CACNB2: variants seen among roughly 807,000 people sequenced by gnomAD.
The protein encoded by CACNB2 is voltage-dependent L-type calcium channel subunit beta-2.
Under a neutral mutation model 73.3 loss-of-function variants are expected in CACNB2, and 42 were observed. The ratio of observed to expected loss-of-function variants is 0.57; its 90% CI spans 0.45 to 0.74. The LOEUF is 0.74. CACNB2 is among the 30% of genes least tolerant of loss of function. CACNB2 has a pLI of 0.00. For missense variants in CACNB2, 940 were observed against 853.0 expected, an observed-to-expected ratio of 1.10 and a Z score of -1.27; for synonymous variants, 348 against 310.3, an observed-to-expected ratio of 1.12 and a Z score of -1.28.
chr10:18,209,719 G>T (rs1458148690), intron 2 of CACNB2, among the ~76,000 whole-genome samples: 1 of 151,836 alleles, frequency 6.6e-6, no homozygotes, highest in Non-Finnish European at 1.5e-5. Flanking sequence ...TGCTTTTAGG[G>T]CACCATAATA....
chr10:18,141,158 C>G (rs1268539268), intron 1 of CACNB2: 1 of 1,315,686 alleles, frequency 7.6e-7, no homozygotes, highest in Non-Finnish European at 1.0e-6. Context: ...CGCCCCTTCC[C>G]GGGAGAGGCA....
intron 6 of CACNB2, 60 bp from the exon 7 acceptor site, chr10:18,514,176 T>C: frequency 1.3e-6 from 2 of 1,576,932 alleles, no homozygotes; most frequent in Non-Finnish European, 1.7e-6. Context: ...TTCATTTTAT[T>C]TTCTTTATAA....
chr10:18,188,265 T>G (rs545247535), intron 2 of CACNB2, among the ~76,000 whole-genome samples: 45 of 142,918 alleles, frequency 3.1e-4, no homozygotes, highest in African/African-American at 1.3e-3. Flanking sequence ...CTTTCCTTCT[T>G]GCCTCCTTTC....
At chr10:18,458,787 A>G (rs1051029171) in intron 3 of CACNB2, among the ~76,000 whole-genome samples, 2 of 130,580 alleles carry the variant, frequency 1.5e-5, no homozygotes, top group Middle Eastern at 5.0e-3. Flanking sequence ...TTTTTTTGAG[A>G]CAGAGTCTCA....
At chr10:18,426,368 C>T (rs2045600353) in intron 3 of CACNB2, among the ~76,000 whole-genome samples, 2 of 152,194 alleles carry the variant, frequency 1.3e-5, no homozygotes. Context: ...GTCTCTCTCA[C>T]CTTTCTCTCT....
At chr10:18,474,729 C>T (rs1200632934) in intron 3 of CACNB2, among the ~76,000 whole-genome samples, 2 of 152,114 alleles carry the variant, frequency 1.3e-5, no homozygotes, top group South Asian at 2.1e-4. Context: ...CCTCTCTACT[C>T]TCCCACTACT....
rs148443007 is a variant in CACNB2, at chr10:18,419,524, A to G, written c.333+17481A>G. 3.7e-3 allele frequency among the ~76,000 whole-genome samples: 564 copies of G among 152,278 alleles called. 2 individuals are homozygous for G. The highest frequency in any genetic ancestry group is 6.2e-3 in the Non-Finnish European group (425 of 68,008). ...GTCCATTTTACCACATGGTCCATCT[A>G]CTGAATTGGAGTTTCAGGGGTGGTA... On this transcript the variant is annotated intron_variant, in intron 3 of 13. Coordinates refer to ENST00000324631, the MANE Select transcript of CACNB2 (RefSeq NM_201596.3).
intron 2 of CACNB2, among the ~76,000 whole-genome samples, chr10:18,196,037 A>G (rs1387639435): frequency 2.6e-5 from 4 of 152,156 alleles, no homozygotes; most frequent in Non-Finnish European, 4.4e-5. Context: ...AGCACTTACT[A>G]TGTCCCCAGG....
chr10:18,344,879 A>G (rs2041383786), intron 2 of CACNB2, among the ~76,000 whole-genome samples: 1 of 152,222 alleles, frequency 6.6e-6, no homozygotes, highest in Non-Finnish European at 1.5e-5. Flanking sequence ...ATGCTGGCAT[A>G]TTGTACTGCA....
At chr10:18,248,318 A>G (rs1036429458) in intron 2 of CACNB2, among the ~76,000 whole-genome samples, 6 of 152,218 alleles carry the variant, frequency 3.9e-5, no homozygotes, top group African/African-American at 1.4e-4. Context: ...CAATTAATTT[A>G]CCTTTGGTGA....
intron 2 of CACNB2, chr10:18,224,198 G>C (rs1178214435): frequency 3.9e-5 from 6 of 151,980 alleles, no homozygotes; most frequent in African/African-American, 7.2e-5. Flanking sequence ...TTTTTGGCTA[G>C]AATGGTTTCT....
intron 2 of CACNB2, among the ~76,000 whole-genome samples, chr10:18,217,145 A>T (rs1029959284): frequency 7.9e-5 from 12 of 152,242 alleles, no homozygotes; most frequent in Middle Eastern, 3.4e-3. Context: ...CCCTTCCCAC[A>T]TGGGGCTTCC....
intron 3 of CACNB2, among the ~76,000 whole-genome samples, chr10:18,498,081 A>G (rs1286575888): frequency 1.3e-5 from 2 of 151,970 alleles, no homozygotes; most frequent in East Asian, 3.8e-4. Flanking sequence ...GAAAACACAT[A>G]TTTCCGTGGC....
chr10:18,451,898 A>G (rs1252972944), intron 3 of CACNB2, among the ~76,000 whole-genome samples: 1 of 152,136 alleles, frequency 6.6e-6, no homozygotes, highest in Non-Finnish European at 1.5e-5. Context: ...TGATGCTGTT[A>G]TGTTGTCTTC....
intron 2 of CACNB2, among the ~76,000 whole-genome samples, chr10:18,283,208 T>C (rs1477815401): frequency 6.6e-6 from 1 of 152,166 alleles, no homozygotes; most frequent in Admixed American, 6.5e-5. Context: ...AGGAACACTT[T>C]TACACTGTTG....
At chr10:18,292,692 G>T (rs2039116389) in intron 2 of CACNB2, among the ~76,000 whole-genome samples, 1 of 152,074 alleles carries the variant, frequency 6.6e-6, no homozygotes, top group Non-Finnish European at 1.5e-5. Context: ...ATTTAAGGTA[G>T]TTTCCTACCA....
chr10:18,184,805 C>T (rs1374424340), intron 2 of CACNB2, among the ~76,000 whole-genome samples: 1 of 152,048 alleles, frequency 6.6e-6, no homozygotes, highest in Non-Finnish European at 1.5e-5. Context: ...TGATGATTCG[C>T]TGCACATGTC....
At chr10:18,442,944 G>GTATATATATATGTATA (rs2046503299) in intron 3 of CACNB2, among the ~76,000 whole-genome samples, 4 of 19,646 alleles carry the variant, frequency 2.0e-4, no homozygotes, top group Non-Finnish European at 3.1e-4. Context: ...ATATATATGT[G>GTATATATATATGTATA]TATATATATA....
At chr10:18,247,687 TCA>T in intron 2 of CACNB2, among the ~76,000 whole-genome samples, 1 of 152,346 alleles carries the variant, frequency 6.6e-6, no homozygotes, top group Non-Finnish European at 1.5e-5. Flanking sequence ...CATTTATTTC[TCA>T]CAGTTCTGAA....
Sources: gnomAD v4.1 joint callset for allele counts (sites outside exome capture counted in the v4.1 genomes callset) on GRCh38, gnomAD v4.1.1 for gene constraint, MANE v1.5 for transcripts, NCBI Gene and HGNC (gene_info 2026-07-23, HGNC 2026-07-21) for gene names.